The following LRCH1 variants were observed in gnomAD, a reference collection of about 807,000 sequenced individuals.
LRCH1 encodes leucine rich repeats and calponin homology domain containing 1, also known as leucine-rich repeat and calponin homology domain-containing protein 1.
A neutral mutation model predicts 94.9 loss-of-function variants in LRCH1; 23 were observed. That is an observed-to-expected ratio of 0.24 (90% CI 0.17 to 0.34). The LOEUF is 0.34. Among genes scored for constraint, LRCH1 ranks in the 10% least tolerant of loss-of-function variants. The pLI, the probability that LRCH1 is intolerant of heterozygous loss-of-function variation, is 1.00. For synonymous variants in LRCH1, 364 were observed against 354.9 expected (o/e 1.03, Z -0.29); for missense variants, 790 against 945.9 (o/e 0.84, Z 2.16).
At chr13:46,683,065 A>C (rs552619177) in intron 4 of LRCH1, among the ~76,000 whole-genome samples, 1 of 152,238 alleles carries the variant, frequency 6.6e-6, no homozygotes, top group Non-Finnish European at 1.5e-5. Flanking sequence ...GTCTCTAGAC[A>C]TAGCTGATTT....
At chr13:46,598,000 G>A (rs2050584008) in intron 1 of LRCH1, among the ~76,000 whole-genome samples, 2 of 152,144 alleles carry the variant, frequency 1.3e-5, no homozygotes, top group African/African-American at 2.4e-5. Context: ...CACTGTGTGG[G>A]CTGAGTGCGG....
chr13:46,615,057 C>A (rs796820346), intron 1 of LRCH1, among the ~76,000 whole-genome samples: 2 of 152,280 alleles, frequency 1.3e-5, no homozygotes, highest in African/African-American at 4.8e-5. Flanking sequence ...AATAATGAAT[C>A]TGAGTTATTA....
At chr13:46,577,786 G>A (rs933963233) in intron 1 of LRCH1, among the ~76,000 whole-genome samples, 1 of 152,208 alleles carries the variant, frequency 6.6e-6, no homozygotes, top group African/African-American at 2.4e-5. Flanking sequence ...AAGGAGAAAA[G>A]AGAACGAGAA....
At chr13:46,697,991 G>A (rs529781588) in intron 9 of LRCH1, among the ~76,000 whole-genome samples, 10 of 152,330 alleles carry the variant, frequency 6.6e-5, no homozygotes, top group Middle Eastern at 3.4e-3. Flanking sequence ...AGAACACGTT[G>A]TCTTGGTCAT....
chr13:46,570,435 C>T (rs9534430), intron 1 of LRCH1, among the ~76,000 whole-genome samples: 19,093 of 152,120 alleles, frequency 0.13, 1,231 homozygotes, highest in East Asian at 0.19. Context: ...CTCTAAAAAA[C>T]GGAGGCTCTG....
At chr13:46,590,346 A>G (rs1594267769) in intron 1 of LRCH1, among the ~76,000 whole-genome samples, 1 of 152,232 alleles carries the variant, frequency 6.6e-6, no homozygotes, top group South Asian at 2.1e-4. Flanking sequence ...ATGTGCCACT[A>G]ATAGGACATT....
intron 1 of LRCH1, among the ~76,000 whole-genome samples, chr13:46,620,093 T>C (rs1314852965): frequency 6.6e-6 from 1 of 152,220 alleles, no homozygotes; most frequent in Non-Finnish European, 1.5e-5. Context: ...TTTACACGTT[T>C]CCAAATTTGA....
At chr13:46,573,866 A>ATATATATATATATATATAT in intron 1 of LRCH1, among the ~76,000 whole-genome samples, 24 of 63,394 alleles carry the variant, frequency 3.8e-4, no homozygotes, top group East Asian at 3.3e-3. Flanking sequence ...ATATATATAT[A>ATATATATATATATATATAT]TTTTTTTTTT....
intron 19 of LRCH1, among the ~76,000 whole-genome samples, chr13:46,738,395 G>T (rs1423949103): frequency 6.6e-6 from 1 of 152,174 alleles, no homozygotes; most frequent in Non-Finnish European, 1.5e-5. Context: ...CTTATCTTTT[G>T]TAATTTTCAT....
intron 3 of LRCH1, among the ~76,000 whole-genome samples, chr13:46,670,676 A>G (rs992404009): frequency 1.0e-5 from 1 of 99,458 alleles, no homozygotes; most frequent in African/African-American, 3.3e-5. Flanking sequence ...CCTGTCCCCA[A>G]AAGTTTCTAT....
intron 2 of LRCH1, among the ~76,000 whole-genome samples, chr13:46,651,162 C>T (rs2051292492): frequency 6.6e-6 from 1 of 152,100 alleles, no homozygotes; most frequent in African/African-American, 2.4e-5. Flanking sequence ...AATTGCAAGC[C>T]TGAATGTAGC....
At chr13:46,692,731 A>G in intron 8 of LRCH1, 90 bp downstream of exon 8, 1 of 929,728 alleles carries the variant, frequency 1.1e-6, no homozygotes, top group Non-Finnish European at 1.7e-6. Context: ...GGCAGTGATA[A>G]TCTTTCTAGA....
downstream of LRCH1, among the ~76,000 whole-genome samples, chr13:46,746,749 A>G (rs182977147): frequency 1.8e-4 from 28 of 152,242 alleles, no homozygotes; most frequent in Admixed American, 5.2e-4. Context: ...GTCATTCCTC[A>G]TCCAGCTGTA....
chr13:46,707,446 A>G (rs899696777), intron 13 of LRCH1, among the ~76,000 whole-genome samples: 1 of 152,210 alleles, frequency 6.6e-6, no homozygotes, highest in African/African-American at 2.4e-5. Flanking sequence ...CAATCAAGAT[A>G]TAAGTCCATT....
chr13:46,596,752 G>A (rs146180400), intron 1 of LRCH1, among the ~76,000 whole-genome samples: 155 of 152,312 alleles, frequency 1.0e-3, no homozygotes, highest in African/African-American at 3.5e-3. Flanking sequence ...TCAAAGTCAC[G>A]CAAAGTTACG....
chr13:46,715,974 C>A (rs1212420501), intron 16 of LRCH1, among the ~76,000 whole-genome samples: 1 of 151,840 alleles, frequency 6.6e-6, no homozygotes, highest in African/African-American at 2.4e-5. Flanking sequence ...GGGGTTTGCA[C>A]ATTTGGATTT....
intron 8 of LRCH1, among the ~76,000 whole-genome samples, chr13:46,694,215 C>T (rs1871058698): frequency 6.6e-6 from 1 of 152,184 alleles, no homozygotes; most frequent in Non-Finnish European, 1.5e-5. Flanking sequence ...ATTGCATTGG[C>T]TCAGAGTGTT....
chr13:46,625,817 C>A (rs1483713950), intron 1 of LRCH1, among the ~76,000 whole-genome samples: 1 of 151,898 alleles, frequency 6.6e-6, no homozygotes, highest in Admixed American at 6.5e-5. Context: ...CCACGCCCAG[C>A]TTATTTTTGT....
chr13:46,589,344 C>T (rs1352835328), intron 1 of LRCH1, among the ~76,000 whole-genome samples: 1 of 152,038 alleles, frequency 6.6e-6, no homozygotes, highest in Admixed American at 6.6e-5. Flanking sequence ...TCTTGAGCAT[C>T]TGTTTCCTAA....
Sources: gnomAD v4.1 joint callset for allele counts (sites outside exome capture counted in the v4.1 genomes callset) on GRCh38, gnomAD v4.1.1 for gene constraint, MANE v1.5 for transcripts, NCBI Gene and HGNC (gene_info 2026-07-23, HGNC 2026-07-21) for gene names.